PLD5: variants seen among roughly 807,000 people sequenced by gnomAD.
PLD5 encodes phospholipase D family member 5.
In PLD5, 36 loss-of-function variants were observed where a neutral mutation model predicts 61.1. The observed-to-expected ratio is 0.59, with a 90% CI of 0.45 to 0.78. The LOEUF is 0.78. Among genes scored for constraint, PLD5 ranks in the 30% least tolerant of loss-of-function variants. The pLI, the probability that PLD5 is intolerant of heterozygous loss-of-function variation, is 0.00. For missense variants in PLD5, 515 were observed against 644.4 expected, an observed-to-expected ratio of 0.80 and a Z score of 2.17; for synonymous variants, 243 against 242.8, an observed-to-expected ratio of 1.00 and a Z score of -0.01.
At chr1:242,510,541 G>C (rs1009809598) in intron 1 of PLD5, among the ~76,000 whole-genome samples, 2 of 152,162 alleles carry the variant, frequency 1.3e-5, no homozygotes, top group Non-Finnish European at 1.5e-5. Flanking sequence ...GATATTTCAA[G>C]AGTTTTATAA....
chr1:242,192,869 T>C (rs1032888708), intron 5 of PLD5, among the ~76,000 whole-genome samples: 6 of 152,078 alleles, frequency 3.9e-5, no homozygotes, highest in African/African-American at 9.7e-5. Context: ...CTTAGTAACA[T>C]TGGTGTTTTC....
intron 7 of PLD5, among the ~76,000 whole-genome samples, chr1:242,109,648 G>A (rs1661328129): frequency 6.6e-6 from 1 of 152,074 alleles, no homozygotes; most frequent in African/African-American, 2.4e-5. Context: ...TGTGAAACTT[G>A]GCTCATGCTG....
At chr1:242,352,034 C>T (rs564562489) in intron 1 of PLD5, among the ~76,000 whole-genome samples, 1 of 152,122 alleles carries the variant, frequency 6.6e-6, no homozygotes, top group Admixed American at 6.5e-5. Context: ...CTGTCCATCA[C>T]CTTAAATATT....
intron 3 of PLD5, among the ~76,000 whole-genome samples, chr1:242,275,770 C>T (rs1023623768): frequency 1.3e-5 from 2 of 152,062 alleles, no homozygotes; most frequent in Admixed American, 1.3e-4. Flanking sequence ...CCAGGTGGAG[C>T]CTATGGCAGA....
chr1:242,124,053 C>A (rs896293477), intron 6 of PLD5, among the ~76,000 whole-genome samples: 5 of 152,310 alleles, frequency 3.3e-5, no homozygotes, highest in African/African-American at 1.2e-4. Flanking sequence ...CTGATAAAAA[C>A]AAGTCTGAAA....
chr1:242,439,844 A>G (rs1030439105), intron 1 of PLD5, among the ~76,000 whole-genome samples: 3 of 152,226 alleles, frequency 2.0e-5, no homozygotes, highest in Non-Finnish European at 4.4e-5. Context: ...GAAACGAAAC[A>G]AAACAAAACT....
chr1:242,235,483 A>G (rs1671577636), intron 4 of PLD5: 1 of 152,226 alleles, frequency 6.6e-6, no homozygotes, highest in Non-Finnish European at 1.5e-5. Flanking sequence ...AGTCTGAGAA[A>G]CTCAGAAATT....
chr1:242,248,438 A>C (rs1265444781), intron 4 of PLD5, among the ~76,000 whole-genome samples: 1 of 150,688 alleles, frequency 6.6e-6, no homozygotes, highest in African/African-American at 2.4e-5. Flanking sequence ...CAGAATTTAA[A>C]GTATATTTAA....
chr1:242,389,214 T>A (rs1359101244), intron 1 of PLD5, among the ~76,000 whole-genome samples: 1 of 152,206 alleles, frequency 6.6e-6, no homozygotes, highest in South Asian at 2.1e-4. Flanking sequence ...CCTAACTTTG[T>A]AAGTAAATAC....
intron 5 of PLD5, among the ~76,000 whole-genome samples, chr1:242,185,396 A>G (rs1667810063): frequency 6.6e-6 from 1 of 152,246 alleles, no homozygotes; most frequent in African/African-American, 2.4e-5. Context: ...AGATGCATGT[A>G]TTATTTGGGA....
At chr1:242,095,779 G>A (rs925928634) in intron 9 of PLD5, among the ~76,000 whole-genome samples, 17 of 151,838 alleles carry the variant, frequency 1.1e-4, no homozygotes, top group African/African-American at 4.1e-4. Context: ...ACCATCCCTG[G>A]GTTCCCTGAT....
At chr1:242,246,357 C>A (rs541878755) in intron 4 of PLD5, among the ~76,000 whole-genome samples, 3 of 152,194 alleles carry the variant, frequency 2.0e-5, no homozygotes, top group Admixed American at 1.3e-4. Flanking sequence ...CAGAGCCAGA[C>A]CCTGTCTCCA....
In PLD5 at chr1:242,226,246, T is replaced by C. The variant is rs958357649; in HGVS notation, c.608-6131A>G. Among the ~76,000 whole-genome samples, 13 of 152,338 alleles carry C rather than the reference T, an allele frequency of 8.5e-5. No individual in the cohort carries two copies. In the East Asian group the frequency reaches 2.5e-3, roughly 29 times the overall value. ...TGTCAGTTTCTCTGTGTGCAGCCCC[T>C]GACCCATTGCCCAGAGATCTCCGGA... On this transcript the variant is annotated intron_variant, in intron 4 of 9. Transcript: ENST00000536534.
chr1:242,477,678 C>G (rs1240926896), intron 1 of PLD5, among the ~76,000 whole-genome samples: 2 of 152,100 alleles, frequency 1.3e-5, no homozygotes, highest in Non-Finnish European at 2.9e-5. Context: ...AGTGTGAACC[C>G]AGCATTAACT....
chr1:242,113,754 A>T, intron 7 of PLD5, 136 bp downstream of exon 7: 1 of 1,102,100 alleles, frequency 9.1e-7, no homozygotes, highest in Non-Finnish European at 1.2e-6. Context: ...ATGCATGTTA[A>T]ACAGCAATGA....
chr1:242,103,571 C>T (rs535398830), intron 8 of PLD5, among the ~76,000 whole-genome samples: 1 of 152,290 alleles, frequency 6.6e-6, no homozygotes, highest in Admixed American at 6.5e-5. Flanking sequence ...CAAGAGTTCT[C>T]TTGTCTGTGA....
At chr1:242,438,351 C>T (rs1213668012) in intron 1 of PLD5, among the ~76,000 whole-genome samples, 1 of 151,180 alleles carries the variant, frequency 6.6e-6, no homozygotes, top group Non-Finnish European at 1.5e-5. Flanking sequence ...GCAACCTCTG[C>T]CTCCCGGGTT....
At chr1:242,349,814 T>A (rs115129422) in intron 1 of PLD5, among the ~76,000 whole-genome samples, 323 of 152,278 alleles carry the variant, frequency 2.1e-3, no homozygotes, top group African/African-American at 7.5e-3. Context: ...TCCAAGGTGA[T>A]GATATTAGTA....
intron 1 of PLD5, among the ~76,000 whole-genome samples, chr1:242,476,516 T>G (rs540808974): frequency 6.6e-6 from 1 of 152,320 alleles, no homozygotes. Context: ...TCAGGATTAA[T>G]TGACCTTAAA....
Sources: gnomAD v4.1 joint callset for allele counts (sites outside exome capture counted in the v4.1 genomes callset) on GRCh38, gnomAD v4.1.1 for gene constraint, MANE v1.5 for transcripts, NCBI Gene and HGNC (gene_info 2026-07-23, HGNC 2026-07-21) for gene names.